PKHD1: variants seen among roughly 807,000 people sequenced by gnomAD.
The protein encoded by PKHD1 is PKHD1 ciliary IPT domain containing fibrocystin/polyductin.
In PKHD1, 291 loss-of-function variants were observed where a neutral mutation model predicts 412.0. The ratio of observed to expected loss-of-function variants is 0.71; its 90% CI spans 0.64 to 0.78. PKHD1 has a LOEUF of 0.78. PKHD1 is among the 30% of genes least tolerant of loss of function. The probability of loss-of-function intolerance (pLI) is 0.00; values close to 1 mark genes in which losing one functional copy is unlikely to be tolerated. For missense variants in PKHD1, 4,825 were observed against 4,950.7 expected (o/e 0.97, Z 0.76); for synonymous variants, 1,777 against 1,821.5 (o/e 0.98, Z 0.62).
chr6:51,769,018 A>C (rs1199586888), intron 55 of PKHD1, among the ~76,000 whole-genome samples: 1 of 151,672 alleles, frequency 6.6e-6, no homozygotes, highest in Non-Finnish European at 1.5e-5. Context: ...TGAATGGATT[A>C]TTTCATTTCA....
chr6:52,045,936 G>A, intron 24 of PKHD1, 68 bp downstream of exon 24: 3 of 1,000,086 alleles, frequency 3.0e-6, no homozygotes, highest in South Asian at 1.3e-5. Context: ...GTATAATTCT[G>A]ATTTTTTTTT....
chr6:51,753,135 AT>A, intron 57 of PKHD1, 65 bp downstream of exon 57: 1 of 1,374,902 alleles, frequency 7.3e-7, no homozygotes, highest in Admixed American at 1.7e-5. Flanking sequence ...CACAGTTGGG[AT>A]TTCTGGGTGT....
intron 66 of PKHD1, among the ~76,000 whole-genome samples, chr6:51,624,663 A>T (rs776640488): frequency 2.6e-5 from 4 of 152,232 alleles, no homozygotes; most frequent in Admixed American, 6.5e-5. Context: ...CTTGGATGTG[A>T]ACACATATAT....
rs1441438468 is a variant in PKHD1, at chr6:51,635,717, G to A, written c.11507-2994C>T. Among the ~76,000 whole-genome samples the A allele has an allele frequency of 1.3e-5, 2 of 151,446 alleles. 1 individual carries two copies. Among genetic ancestry groups the A allele is most frequent in the Non-Finnish European group, 2.9e-5 (2 of 67,948 alleles). ...ATGGTATAGACTGAGTGATCCAAAA[G>A]AGTCCTCTTTGAGGAGATATTTGAG... On this transcript the variant is annotated intron_variant, in intron 64 of 66. Transcript: ENST00000371117.
chr6:52,056,537 T>C (rs867563897), intron 18 of PKHD1, among the ~76,000 whole-genome samples, 161 bp downstream of exon 18: 2 of 152,010 alleles, frequency 1.3e-5, no homozygotes, highest in African/African-American at 4.8e-5. Context: ...CCAAGCACAG[T>C]GCAGTGCCAG....
intron 59 of PKHD1, among the ~76,000 whole-genome samples, chr6:51,746,434 C>T (rs1785203531): frequency 6.6e-6 from 1 of 152,190 alleles, no homozygotes; most frequent in Non-Finnish European, 1.5e-5. Flanking sequence ...CACTTCATTA[C>T]TTCTGCCTCT....
intron 36 of PKHD1, among the ~76,000 whole-genome samples, chr6:51,951,349 T>G (rs1790340716): frequency 6.6e-6 from 1 of 152,054 alleles, no homozygotes; most frequent in Admixed American, 6.6e-5. Context: ...AAAAATCGTC[T>G]TTTTCCCGAG....
chr6:51,939,030 TTGG>T (rs1787996872), intron 36 of PKHD1, among the ~76,000 whole-genome samples: 1 of 151,624 alleles, frequency 6.6e-6, no homozygotes, highest in African/African-American at 2.4e-5. Context: ...CAGTCTTCCC[TTGG>T]TGTTTAATCA....
At chr6:51,627,154 G>GATAAAAAGAACA in intron 65 of PKHD1, 38 bp from the exon 66 acceptor site, 5 of 1,599,588 alleles carry the variant, frequency 3.1e-6, no homozygotes, top group African/African-American at 1.3e-5. Flanking sequence ...TTTTTGTTCA[G>GATAAAAAGAACA]TTGTAAGTGG....
chr6:51,630,228 G>A (rs1345887793), intron 65 of PKHD1, among the ~76,000 whole-genome samples: 2 of 152,126 alleles, frequency 1.3e-5, no homozygotes, highest in Non-Finnish European at 1.5e-5. Flanking sequence ...AAAGAAGAAT[G>A]TCCACTATTA....
intron 34 of PKHD1, among the ~76,000 whole-genome samples, chr6:52,011,781 G>A (rs1262229323): frequency 6.6e-6 from 1 of 152,154 alleles, no homozygotes; most frequent in Non-Finnish European, 1.5e-5. Context: ...ATCTACCTAA[G>A]ACATGACTTC....
At chr6:51,744,249 A>G in intron 60 of PKHD1, 136 bp downstream of exon 60, 4 of 790,524 alleles carry the variant, frequency 5.1e-6, no homozygotes, top group Non-Finnish European at 9.1e-6. Flanking sequence ...GTGAATTGGC[A>G]GCAGATTAGC....
At chr6:51,844,160 T>C (rs1770737603) in intron 50 of PKHD1, among the ~76,000 whole-genome samples, 1 of 152,212 alleles carries the variant, frequency 6.6e-6, no homozygotes, top group Non-Finnish European at 1.5e-5. Flanking sequence ...TGAATATATT[T>C]GGATGTTTTG....
At chr6:51,805,436 T>C (rs906316530) in intron 52 of PKHD1, among the ~76,000 whole-genome samples, 1 of 152,208 alleles carries the variant, frequency 6.6e-6, no homozygotes. Context: ...CTATGCTCAC[T>C]ACCTGGGTGA....
At chr6:51,925,467 G>A (rs1430458256) in intron 37 of PKHD1, among the ~76,000 whole-genome samples, 2 of 152,010 alleles carry the variant, frequency 1.3e-5, no homozygotes, top group South Asian at 4.2e-4. Flanking sequence ...GTGTGTGTGT[G>A]TGTGTGTGTG....
At chr6:52,085,365 C>G (rs918146740) in intron 1 of PKHD1, among the ~76,000 whole-genome samples, 5 of 152,176 alleles carry the variant, frequency 3.3e-5, no homozygotes, top group Non-Finnish European at 7.3e-5. Context: ...CCTGTGCTGG[C>G]GTCCAGCTTT....
intron 32 of PKHD1, among the ~76,000 whole-genome samples, chr6:52,023,562 T>C (rs768599999): frequency 1.3e-5 from 2 of 152,194 alleles, no homozygotes; most frequent in Non-Finnish European, 2.9e-5. Context: ...TTAATAGTGA[T>C]GCAATAACTG....
intron 48 of PKHD1, among the ~76,000 whole-genome samples, chr6:51,864,718 T>C (rs942265706): frequency 2.6e-5 from 4 of 152,284 alleles, no homozygotes; most frequent in Non-Finnish European, 4.4e-5. Context: ...TTTAGTAATA[T>C]ATTTAGCCCA....
chr6:52,051,379 T>A (rs112680827), intron 21 of PKHD1, among the ~76,000 whole-genome samples: 2 of 152,306 alleles, frequency 1.3e-5, no homozygotes, highest in African/African-American at 4.8e-5. Flanking sequence ...AAGTATAAAA[T>A]TGAGATCAGA....
Sources: allele counts gnomAD v4.1 joint callset (sites outside exome capture counted in the v4.1 genomes callset), GRCh38; gene constraint gnomAD v4.1.1; transcripts MANE v1.5; gene names NCBI Gene and HGNC (gene_info 2026-07-23, HGNC 2026-07-21).